Variants in RBFOX1 observed in about 807,000 individuals in gnomAD.
RBFOX1 encodes the protein RNA binding fox-1 homolog 1.
In RBFOX1, 8 loss-of-function variants were observed where a neutral mutation model predicts 57.7. The observed-to-expected ratio is 0.14, with a 90% CI of 0.08 to 0.25. The LOEUF is 0.25. Among genes scored for constraint, RBFOX1 ranks in the 10% least tolerant of loss-of-function variants. The pLI, the probability that RBFOX1 is intolerant of heterozygous loss-of-function variation, is 1.00. For synonymous variants in RBFOX1, 326 were observed against 222.4 expected (o/e 1.47, Z -4.15); for missense variants, 611 against 548.5 (o/e 1.11, Z -1.14).
chr16:5,730,180 G>A (rs921788645), intron 3 of RBFOX1, among the ~76,000 whole-genome samples: 3 of 152,166 alleles, frequency 2.0e-5, no homozygotes, highest in African/African-American at 7.2e-5. Context: ...CATTGAATTA[G>A]CCAGATCACC....
chr16:7,429,237 C>T (rs2149536595), intron 4 of RBFOX1, among the ~76,000 whole-genome samples: 1 of 152,314 alleles, frequency 6.6e-6, no homozygotes, highest in East Asian at 1.9e-4. Context: ...TCTCTGGTCA[C>T]CCCTTCCCTG....
intron 3 of RBFOX1, among the ~76,000 whole-genome samples, chr16:6,767,863 G>A (rs563115618): frequency 6.6e-6 from 1 of 150,858 alleles, no homozygotes. Flanking sequence ...GCAGTGAGCC[G>A]AGATCGCGCC....
In RBFOX1 at chr16:5,666,000, A is replaced by G. The variant is rs1235622759; in HGVS notation, c.318+67039A>G. 2.0e-5 allele frequency among the ~76,000 whole-genome samples: 3 copies of G among 152,234 alleles called. No individual in the cohort carries two copies. The East Asian group carries it at 5.8e-4, about 29-fold the overall frequency. ...TGGGATAATCAGGCCCCAGCCGTCAAAACTGCCACCCACTCAAACCAGTCA... is the reference window on the plus strand; with the variant it reads ...TGGGATAATCAGGCCCCAGCCGTCAGAACTGCCACCCACTCAAACCAGTCA... On this transcript the variant is annotated intron_variant, in intron 3 of 19. Transcript: ENST00000641259.
chr16:6,045,422 C>T (rs886366005), intron 1 of RBFOX1, among the ~76,000 whole-genome samples: 5 of 152,170 alleles, frequency 3.3e-5, no homozygotes, highest in Non-Finnish European at 5.9e-5. Flanking sequence ...ATTACAGACT[C>T]AGTGGGGTCT....
At chr16:6,533,380 G>T (rs1040185102) in intron 2 of RBFOX1, among the ~76,000 whole-genome samples, 6 of 152,152 alleles carry the variant, frequency 3.9e-5, no homozygotes, top group African/African-American at 1.4e-4. Flanking sequence ...TAGGATCCCT[G>T]GGTAGAAACT....
intron 3 of RBFOX1, among the ~76,000 whole-genome samples, chr16:6,973,902 C>G (rs1198047026): frequency 6.6e-6 from 1 of 152,168 alleles, no homozygotes; most frequent in African/African-American, 2.4e-5. Context: ...GCCCAGCATA[C>G]ATTAGCTTTT....
rs542837339 is a variant in RBFOX1 at position 5,887,042 on chromosome 16, G to A, written c.351+19707G>A. On this transcript the variant is annotated intron_variant, in intron 4 of 19. Transcript: ENST00000641259. ...TTGCAGAATGTTTACCATCATTCCC[G>A]GCCTCTACTCCCTAGATGTCGGTAG... 5.9e-5 allele frequency among the ~76,000 whole-genome samples: 9 copies of A among 152,200 alleles called. No homozygotes were observed. The South Asian group carries it at 1.2e-3, about 21-fold the overall frequency.
At chr16:6,211,562 G>C (rs962313350) in intron 1 of RBFOX1, among the ~76,000 whole-genome samples, 1 of 152,106 alleles carries the variant, frequency 6.6e-6, no homozygotes, top group Non-Finnish European at 1.5e-5. Flanking sequence ...ACATGTGTTA[G>C]AATGGTTTTA....
Position 6,218,457 on chromosome 16 carries a change from C to T in RBFOX1, c.-126-98538C>T, listed in dbSNP as rs1248504391. On this transcript the variant is annotated intron_variant, in intron 1 of 15. Coordinates refer to ENST00000550418, the MANE Select transcript of RBFOX1 (RefSeq NM_018723.4). ...CCGAGTAGCTGGGACTGCAGGCACC[C>T]ACCACCACACCTGGCTAATTTTTGT... Among the ~76,000 whole-genome samples the T allele has an allele frequency of 2.6e-5, 4 of 151,992 alleles. No homozygotes were observed. In the East Asian group the frequency reaches 7.7e-4, roughly 29 times the overall value.
intron 3 of RBFOX1, among the ~76,000 whole-genome samples, chr16:6,885,773 C>G (rs909057084): frequency 2.6e-5 from 4 of 152,170 alleles, no homozygotes; most frequent in Non-Finnish European, 5.9e-5. Context: ...TCAGGTGATT[C>G]ACCTGCCTTG....
chr16:5,418,997 A>T lies in RBFOX1; in HGVS notation c.220-48219A>T, dbSNP rs866026715. 2.0e-5 allele frequency among the ~76,000 whole-genome samples: 3 copies of T among 152,162 alleles called. No individual in the cohort carries two copies. In the South Asian group the frequency reaches 6.2e-4, roughly 32 times the overall value. ...GAACTGGATTGGGGCGCTGAGGGCC[A>T]GGTAGGCCAGAGAGAGCAAGGTGGG... On this transcript the variant is annotated intron_variant, in intron 1 of 2. Transcript: ENST00000585867.
chr16:5,928,566 C>T (rs968554141), intron 4 of RBFOX1, among the ~76,000 whole-genome samples: 4 of 152,030 alleles, frequency 2.6e-5, no homozygotes, highest in African/African-American at 4.8e-5. Context: ...TGTTAGGTAA[C>T]ACTGGTGAAA....
At chr16:7,194,040 G>A (rs2086082444) in intron 4 of RBFOX1, among the ~76,000 whole-genome samples, 1 of 151,942 alleles carries the variant, frequency 6.6e-6, no homozygotes, top group Non-Finnish European at 1.5e-5. Context: ...GGGTATACAT[G>A]ATGCTATTAA....
intron 3 of RBFOX1, among the ~76,000 whole-genome samples, chr16:5,797,334 A>T (rs2054911518): frequency 6.6e-6 from 1 of 152,190 alleles, no homozygotes; most frequent in South Asian, 2.1e-4. Flanking sequence ...GTGTGTCCAC[A>T]CCCACTTCTT....
intron 4 of RBFOX1, chr16:7,333,122 C>G: frequency 2.5e-6 from 4 of 1,578,164 alleles, no homozygotes; most frequent in Non-Finnish European, 3.5e-6. Flanking sequence ...AGCAACTTAA[C>G]TCCAGAGTGC....
At chr16:5,801,395 G>C (rs1257637714) in intron 3 of RBFOX1, among the ~76,000 whole-genome samples, 1 of 146,596 alleles carries the variant, frequency 6.8e-6, no homozygotes, top group East Asian at 2.0e-4. Context: ...CATTAAAACA[G>C]CTGGAAAACA....
intron 2 of RBFOX1, among the ~76,000 whole-genome samples, chr16:6,580,397 C>G (rs1478097860): frequency 6.6e-6 from 1 of 152,214 alleles, no homozygotes; most frequent in Non-Finnish European, 1.5e-5. Flanking sequence ...AGGAGCACTA[C>G]TTCCTAATTA....
Position 5,874,413 on chromosome 16 carries a change from G to A in RBFOX1, c.351+7078G>A, listed in dbSNP as rs927465904. 3.9e-5 allele frequency among the ~76,000 whole-genome samples: 6 copies of A among 152,332 alleles called. No individual in the cohort carries two copies. The East Asian group carries it at 1.2e-3, about 29-fold the overall frequency. ...CAGTCGGGGATTTACACATTGAAAGGTGATCCGAGTGTTCTTGAGGCTGTT... is the reference window on the plus strand; with the variant it reads ...CAGTCGGGGATTTACACATTGAAAGATGATCCGAGTGTTCTTGAGGCTGTT... On this transcript the variant is annotated intron_variant, in intron 4 of 19. Transcript: ENST00000641259.
chr16:6,431,919 T>TGC (rs2094107770), intron 2 of RBFOX1, among the ~76,000 whole-genome samples: 1 of 149,318 alleles, frequency 6.7e-6, no homozygotes, highest in Admixed American at 6.7e-5. Flanking sequence ...CTTTCTTTCT[T>TGC]TCTTTCTTTC....
Sources: allele counts gnomAD v4.1 joint callset (sites outside exome capture counted in the v4.1 genomes callset), GRCh38; gene constraint gnomAD v4.1.1; transcripts MANE v1.5; gene names NCBI Gene and HGNC (gene_info 2026-07-23, HGNC 2026-07-21).